The following COL23A1 variants were observed in gnomAD, a reference collection of about 807,000 sequenced individuals.
COL23A1 encodes collagen type XXIII alpha 1 chain.
COL23A1 carries 97 observed loss-of-function variants against 99.3 expected under a neutral mutation model. That is an observed-to-expected ratio of 0.98 (90% CI 0.83 to 1.16). The LOEUF (loss-of-function observed/expected upper bound fraction) is 1.16. COL23A1 is among the 50% of genes most tolerant of loss of function. The pLI is 0.00. For missense variants in COL23A1, 762 were observed against 757.4 expected (o/e 1.01, Z -0.07); for synonymous variants, 320 against 308.2 (o/e 1.04, Z -0.40).
intron 1 of COL23A1, among the ~76,000 whole-genome samples, chr5:178,563,747 G>A (rs916332847): frequency 8.6e-5 from 13 of 151,980 alleles, no homozygotes; most frequent in Admixed American, 5.9e-4. Flanking sequence ...GCCCAGGCTG[G>A]TCCCAAATTC....
At chr5:178,483,320 A>G (rs1757439802) in intron 2 of COL23A1, among the ~76,000 whole-genome samples, 1 of 149,932 alleles carries the variant, frequency 6.7e-6, no homozygotes, top group Non-Finnish European at 1.5e-5. Context: ...TGAGGAATTA[A>G]AAAAAAAAAT....
intron 2 of COL23A1, among the ~76,000 whole-genome samples, chr5:178,462,475 A>G (rs1756174411): frequency 6.6e-6 from 1 of 152,222 alleles, no homozygotes; most frequent in African/African-American, 2.4e-5. Flanking sequence ...AATCTGTATT[A>G]AATCAGGCAC....
In COL23A1 at chr5:178,280,050, T is replaced by A. The variant is rs557121967; in HGVS notation, c.441+8274A>T. The stretch of plus-strand genomic sequence containing the variant: ...TCGTACATAACGAGAACACAGTAAA[T>A]ACCCGCTGAATGGATCAACAACGGT... On this transcript the variant is annotated intron_variant, in intron 5 of 28. Transcript: ENST00000390654. The surrounding 1 kb of genome is among the most constrained non-coding windows in gnomAD (Gnocchi z 4.9). Among the ~76,000 whole-genome samples, 3 of 152,338 alleles carry A rather than the reference T, an allele frequency of 2.0e-5. No individual in the cohort carries two copies. The East Asian group carries it at 5.8e-4, about 29-fold the overall frequency.
intron 8 of COL23A1, among the ~76,000 whole-genome samples, chr5:178,265,482 A>T (rs1755830241): frequency 6.6e-6 from 1 of 152,164 alleles, no homozygotes; most frequent in Non-Finnish European, 1.5e-5. Flanking sequence ...TAAGGCAGAA[A>T]ATGGGCCTGA....
At chr5:178,256,457 C>T (rs944846558) in intron 14 of COL23A1, 60 bp from the exon 15 acceptor site, 40 of 1,497,276 alleles carry the variant, frequency 2.7e-5, no homozygotes, top group African/African-American at 2.4e-4. Context: ...ACACCTCCCA[C>T]GACCCTGCCC....
intron 5 of COL23A1, 87 bp from the exon 6 acceptor site, chr5:178,270,450 C>A (rs1756224126): frequency 6.6e-7 from 1 of 1,522,200 alleles, no homozygotes; most frequent in African/African-American, 1.4e-5. Flanking sequence ...TATTCAGTGA[C>A]AAGAAAACAA....
intron 2 of COL23A1, among the ~76,000 whole-genome samples, chr5:178,404,625 C>T (rs919365062): frequency 6.6e-6 from 1 of 152,148 alleles, no homozygotes; most frequent in East Asian, 1.9e-4. Flanking sequence ...CACATAGTGG[C>T]CACTCAATAA....
At chr5:178,300,237 T>G (rs1054064961) in intron 3 of COL23A1, among the ~76,000 whole-genome samples, 1 of 151,436 alleles carries the variant, frequency 6.6e-6, no homozygotes, top group Non-Finnish European at 1.5e-5. Context: ...GCCCGGCTAA[T>G]TTTTTGTATT....
At chr5:178,386,999 C>T (rs978681041) in intron 2 of COL23A1, among the ~76,000 whole-genome samples, 3 of 152,132 alleles carry the variant, frequency 2.0e-5, no homozygotes, top group African/African-American at 2.4e-5. Context: ...AGGCTGACCT[C>T]GGCTTTGCCT....
chr5:178,375,267 G>C (rs992145490), intron 2 of COL23A1, among the ~76,000 whole-genome samples: 2 of 152,158 alleles, frequency 1.3e-5, no homozygotes, highest in African/African-American at 2.4e-5. Flanking sequence ...CTGGGGGAGA[G>C]GAGGGGAGGT....
rs375213850 is a variant in COL23A1 at position 178,380,052 on chromosome 5, T to C, written c.362-73133A>G. On this transcript the variant is annotated intron_variant, in intron 2 of 28. Transcript: ENST00000390654. ...CTTTCAGGGCTAGTTCCTGAACCGA[T>C]GCTGCCTCCAACATGACCTGTGTTT... Among the ~76,000 whole-genome samples the C allele has an allele frequency of 5.3e-5, 8 of 152,308 alleles. No individual in the cohort carries two copies. The South Asian group carries it at 1.7e-3, about 32-fold the overall frequency.
chr5:178,456,008 A>C (rs903346349), intron 2 of COL23A1, among the ~76,000 whole-genome samples: 17 of 152,268 alleles, frequency 1.1e-4, no homozygotes, highest in African/African-American at 4.1e-4. Flanking sequence ...TTACATAACC[A>C]CATGAATTGA....
intron 8 of COL23A1, 78 bp from the exon 9 acceptor site, chr5:178,263,402 GC>G: frequency 1.1e-6 from 1 of 880,934 alleles, no homozygotes; most frequent in Non-Finnish European, 1.8e-6. Flanking sequence ...CAGATGGGCA[GC>G]CCCACGCCAT....
chr5:178,522,624 A>G (rs1410895269), intron 2 of COL23A1, among the ~76,000 whole-genome samples: 1 of 152,198 alleles, frequency 6.6e-6, no homozygotes, highest in African/African-American at 2.4e-5. Context: ...ACCCAAGGGC[A>G]GGCAATGCGC....
At position 178,306,699 on chromosome 5, in the gene COL23A1, T is replaced by G. The variant is rs1002462100; in HGVS notation, c.406+176A>C. 1.3e-5 allele frequency among the ~76,000 whole-genome samples: 2 copies of G among 151,906 alleles called. No individual in the cohort carries two copies. The highest frequency in any genetic ancestry group is 2.9e-5 in the Non-Finnish European group (2 of 67,940). Reference sequence around the variant, plus strand: ...ATGCCAAGAAGCCCCGGAAAGGCAGTACTGGGTGCTGCGGCCTCAGGAAAC... The same window carrying G: ...ATGCCAAGAAGCCCCGGAAAGGCAGGACTGGGTGCTGCGGCCTCAGGAAAC... On this transcript the variant is annotated intron_variant, in intron 3 of 28. Transcript: ENST00000390654. This position sits in a 1 kb window ranked among gnomAD's most constrained non-coding sequence, Gnocchi z 4.1.
intron 5 of COL23A1, among the ~76,000 whole-genome samples, chr5:178,275,534 G>A (rs1028132507): frequency 2.6e-5 from 4 of 152,068 alleles, no homozygotes; most frequent in African/African-American, 9.7e-5. Context: ...GGAGGGGGAG[G>A]AACAAAAATA....
chr5:178,290,835 C>T (rs1050659010), intron 3 of COL23A1, among the ~76,000 whole-genome samples: 1 of 152,104 alleles, frequency 6.6e-6, no homozygotes, highest in Non-Finnish European at 1.5e-5. Flanking sequence ...CTCCTGCTGC[C>T]CAGCTCCAGG....
At chr5:178,361,298 C>T (rs891735062) in intron 2 of COL23A1, among the ~76,000 whole-genome samples, 10 of 152,216 alleles carry the variant, frequency 6.6e-5, no homozygotes, top group African/African-American at 2.2e-4. Flanking sequence ...CAAACTGAGA[C>T]GATCTCTTGA....
At chr5:178,585,200 T>G (rs1251232456) in intron 1 of COL23A1, among the ~76,000 whole-genome samples, 3 of 152,156 alleles carry the variant, frequency 2.0e-5, no homozygotes, top group African/African-American at 7.2e-5. Flanking sequence ...TTATGAGAAC[T>G]TAGGCGGGCC....
Sources: allele counts gnomAD v4.1 joint callset (sites outside exome capture counted in the v4.1 genomes callset), GRCh38; gene constraint gnomAD v4.1.1; non-coding constraint Gnocchi (gnomAD v3.1); transcripts MANE v1.5; gene names NCBI Gene and HGNC (gene_info 2026-07-23, HGNC 2026-07-21).